COL26A1: variants seen among roughly 807,000 people sequenced by gnomAD.
COL26A1 encodes the protein collagen alpha-1(XXVI) chain.
In COL26A1, 41 loss-of-function variants were observed where a neutral mutation model predicts 59.3. The ratio of observed to expected loss-of-function variants is 0.69; its 90% CI spans 0.54 to 0.90. The LOEUF (loss-of-function observed/expected upper bound fraction) is 0.90. Among genes scored for constraint, COL26A1 ranks in the 40% least tolerant of loss-of-function variants. The pLI, the probability that COL26A1 is intolerant of heterozygous loss-of-function variation, is 0.00. For synonymous variants in COL26A1, 266 were observed against 256.0 expected, an observed-to-expected ratio of 1.04 and a Z score of -0.37; for missense variants, 612 against 602.3, an observed-to-expected ratio of 1.02 and a Z score of -0.17.
At chr7:101,413,800 G>A (rs1035526569) in intron 1 of COL26A1, among the ~76,000 whole-genome samples, 2 of 152,144 alleles carry the variant, frequency 1.3e-5, no homozygotes, top group African/African-American at 2.4e-5. Context: ...GACCAGGCCT[G>A]CCATGTCCCA....
rs183462228 is a variant in COL26A1, at chr7:101,504,495, G to A, written c.386-28587G>A. On this transcript the variant is annotated intron_variant, in intron 3 of 12. Coordinates refer to ENST00000313669, the MANE Select transcript of COL26A1 (RefSeq NM_001278563.3). ...TCCCCTGTCTATGCTCGCCTGATTCGGGGACTTCCGCCTCGCTCCTCTCCA... is the reference window on the plus strand; with the variant it reads ...TCCCCTGTCTATGCTCGCCTGATTCAGGGACTTCCGCCTCGCTCCTCTCCA... 6.6e-5 allele frequency among the ~76,000 whole-genome samples: 10 copies of A among 152,174 alleles called. No homozygotes were observed. The East Asian group carries it at 1.7e-3, about 27-fold the overall frequency.
intron 1 of COL26A1, among the ~76,000 whole-genome samples, chr7:101,390,167 T>TC (rs1275034723): frequency 7.0e-6 from 1 of 142,682 alleles, no homozygotes; most frequent in East Asian, 2.0e-4. Flanking sequence ...TTTTTTTTTT[T>TC]TTTTTTTTGA....
chr7:101,473,879 C>T (rs1336939019), intron 3 of COL26A1, among the ~76,000 whole-genome samples: 1 of 151,740 alleles, frequency 6.6e-6, no homozygotes, highest in East Asian at 1.9e-4. Flanking sequence ...ATATTTCAAG[C>T]AAGCTATCTA....
intron 10 of COL26A1, 94 bp downstream of exon 10, chr7:101,551,237 G>GGGGGGGC: frequency 5.2e-6 from 2 of 386,364 alleles, no homozygotes; most frequent in Non-Finnish European, 1.0e-5. Flanking sequence ...TGGTGGGGGG[G>GGGGGGGC]TTCAGCCCTG....
intron 3 of COL26A1, among the ~76,000 whole-genome samples, chr7:101,491,323 A>G (rs114779277): frequency 0.022 from 3,305 of 152,218 alleles, 138 homozygotes; most frequent in African/African-American, 0.076. Flanking sequence ...GACAGACACT[A>G]CAGAGAGCTG....
intron 3 of COL26A1, among the ~76,000 whole-genome samples, chr7:101,463,903 T>TTC (rs377202948): frequency 0.088 from 4,388 of 49,876 alleles, 335 homozygotes; most frequent in African/African-American, 0.29. Flanking sequence ...CTTTCTTTCT[T>TTC]TTTCTTTCTC....
At chr7:101,465,279 A>G (rs1246667134) in intron 3 of COL26A1, among the ~76,000 whole-genome samples, 1 of 151,898 alleles carries the variant, frequency 6.6e-6, no homozygotes, top group African/African-American at 2.4e-5. Context: ...GGCTCAAACG[A>G]TCCTCCTGCC....
At chr7:101,406,924 C>T (rs569035036) in intron 1 of COL26A1, among the ~76,000 whole-genome samples, 5 of 152,098 alleles carry the variant, frequency 3.3e-5, no homozygotes, top group African/African-American at 7.2e-5. Flanking sequence ...CACTCCAGCC[C>T]GGGCAACAGA....
At chr7:101,374,651 C>A (rs746948993) in intron 1 of COL26A1, among the ~76,000 whole-genome samples, 5 of 152,200 alleles carry the variant, frequency 3.3e-5, no homozygotes, top group Non-Finnish European at 7.3e-5. Context: ...CCATCACCCC[C>A]AGATGGGACC....
chr7:101,376,099 G>A lies in COL26A1; in HGVS notation c.158+12909G>A, dbSNP rs559086143. Among the ~76,000 whole-genome samples, 34 of 149,718 alleles carry A rather than the reference G, an allele frequency of 2.3e-4. No individual in the cohort carries two copies. In the South Asian group the frequency reaches 6.8e-3, roughly 30 times the overall value. The stretch of plus-strand genomic sequence containing the variant: ...GAGGATCACTTGAGCCCAGAAGCAT[G>A]AGCCCAGCCTTGGCAATATAGCAAG... On this transcript the variant is annotated intron_variant, in intron 1 of 12. Coordinates refer to ENST00000313669, the MANE Select transcript of COL26A1 (RefSeq NM_001278563.3).
At chr7:101,429,861 G>A (rs974689942) in intron 2 of COL26A1, among the ~76,000 whole-genome samples, 2 of 152,064 alleles carry the variant, frequency 1.3e-5, no homozygotes, top group African/African-American at 4.8e-5. Context: ...GTCTCTCAAA[G>A]TGCTGGGATT....
chr7:101,389,480 A>G (rs1170842482), intron 1 of COL26A1, among the ~76,000 whole-genome samples: 1 of 151,330 alleles, frequency 6.6e-6, no homozygotes, highest in African/African-American at 2.4e-5. Flanking sequence ...CTGGGGCTCA[A>G]GCGATTCTCC....
At chr7:101,393,013 T>G (rs1285091730) in intron 1 of COL26A1, among the ~76,000 whole-genome samples, 1 of 151,518 alleles carries the variant, frequency 6.6e-6, no homozygotes. Context: ...TTTGTTTTTT[T>G]TTTTTTTGAG....
intron 1 of COL26A1, among the ~76,000 whole-genome samples, chr7:101,394,739 C>G (rs1414639611): frequency 6.6e-6 from 1 of 151,382 alleles, no homozygotes; most frequent in Non-Finnish European, 1.5e-5. Context: ...ACTCTTTTCT[C>G]TCATCTGTAG....
intron 1 of COL26A1, among the ~76,000 whole-genome samples, chr7:101,381,018 A>G (rs1192906637): frequency 1.3e-5 from 2 of 152,032 alleles, no homozygotes; most frequent in South Asian, 2.1e-4. Context: ...GAAATGACCA[A>G]CCTCTTTGCA....
At chr7:101,387,630 G>GCGCTCT (rs1554404011) in intron 1 of COL26A1, among the ~76,000 whole-genome samples, 6 of 132,424 alleles carry the variant, frequency 4.5e-5, no homozygotes, top group African/African-American at 1.1e-4. Flanking sequence ...TCTCTCTCTC[G>GCGCTCT]CTCTCTCTCT....
At chr7:101,541,993 G>A (rs1795627366) in intron 5 of COL26A1, among the ~76,000 whole-genome samples, 1 of 151,298 alleles carries the variant, frequency 6.6e-6, no homozygotes, top group Non-Finnish European at 1.5e-5. Context: ...TTGACATGGA[G>A]TCTCACTCTA....
At chr7:101,414,216 G>A (rs1253757349) in intron 1 of COL26A1, among the ~76,000 whole-genome samples, 1 of 152,078 alleles carries the variant, frequency 6.6e-6, no homozygotes, top group African/African-American at 2.4e-5. Context: ...AATGTTATGG[G>A]GACGGTGATT....
intron 1 of COL26A1, among the ~76,000 whole-genome samples, chr7:101,368,641 A>G (rs6973936): frequency 0.33 from 48,917 of 147,712 alleles, 8,121 homozygotes; most frequent in African/African-American, 0.41. Flanking sequence ...ATGGAAAGGC[A>G]TGGTAACTTC....
Sources: allele counts gnomAD v4.1 joint callset (sites outside exome capture counted in the v4.1 genomes callset), GRCh38; gene constraint gnomAD v4.1.1; transcripts MANE v1.5; gene names NCBI Gene and HGNC (gene_info 2026-07-23, HGNC 2026-07-21).